The following NRTN variants were observed in gnomAD, a reference collection of about 807,000 sequenced individuals.
NRTN encodes neurturin, also known as prepro-neurturin.
In NRTN, 3 loss-of-function variants were observed where a neutral mutation model predicts 7.5. The observed-to-expected ratio is 0.40, with a 90% CI of 0.18 to 1.03. The LOEUF (loss-of-function observed/expected upper bound fraction) is 1.03. Among genes scored for constraint, NRTN ranks in the 50% least tolerant of loss-of-function variants. NRTN has a pLI of 0.34. For synonymous variants in NRTN, 157 were observed against 146.6 expected (o/e 1.07, Z -0.51); for missense variants, 310 against 307.0 (o/e 1.01, Z -0.07).
At position 5,828,132 on chromosome 19, in the gene NRTN, A is replaced by G; in HGVS notation, c.553A>G (p.Thr185Ala). The G allele has an allele frequency of 6.6e-7, 1 of 1,514,162 alleles. No homozygotes were observed. Among genetic ancestry groups the G allele is most frequent in the Admixed American group, 2.1e-5 (1 of 48,250 alleles). The allele number at this position is 1,514,162 out of a possible 1,614,324, so 93.8% of individuals were successfully genotyped here. The part of the protein sequence containing the change: ...SFLDAHSRYH[T>A]VHELSARECA... ...CCTGGACGCGCACAGCCGCTACCACACGGTGCACGAGCTGTCGGCGCGCGA... is the reference window on the plus strand; with the variant it reads ...CCTGGACGCGCACAGCCGCTACCACGCGGTGCACGAGCTGTCGGCGCGCGA... Residue 185 changes from threonine to alanine, a missense_variant, in exon 3 of 3, where the codon ACG (threonine) becomes GCG (alanine). Physicochemically the swap from Thr to Ala is moderately conservative, Grantham distance 58. Transcript: ENST00000303212.
intron 2 of NRTN, among the ~76,000 whole-genome samples, chr19:5,826,354 T>G (rs1233763047): frequency 6.6e-6 from 1 of 151,792 alleles, no homozygotes; most frequent in Non-Finnish European, 1.5e-5. Flanking sequence ...CCCGCACCGA[T>G]TTCCCACCCT....
intron 1 of NRTN, among the ~76,000 whole-genome samples, chr19:5,820,151 A>T (rs1329179314): frequency 6.8e-6 from 1 of 147,684 alleles, no homozygotes; most frequent in African/African-American, 2.6e-5. Context: ...CTGTAGTCCC[A>T]GCTACTCAGG....
chr19:5,823,885 C>G lies in NRTN; in HGVS notation c.-281C>G. On this transcript the variant is annotated 5_prime_UTR_variant, in exon 2 of 3. Coordinates refer to ENST00000303212, the MANE Select transcript of NRTN (RefSeq NM_004558.5). ...ATGCCATTCTCCTCTGCCTGGCCAA[C>G]TCCTACGTTTATTCAAGTCTGGACC... 1 of 560,010 alleles carries G rather than the reference C, an allele frequency of 1.8e-6. No homozygotes were observed. Among genetic ancestry groups the G allele is most frequent in the South Asian group, 2.0e-5 (1 of 49,096 alleles). 34.7% of individuals were successfully genotyped at this position (560,010 alleles called of 1,614,324 possible). A position where few individuals can be genotyped will look rare whatever the true frequency, so the allele number is the denominator to read the frequency against.
intron 1 of NRTN, among the ~76,000 whole-genome samples, chr19:5,819,069 G>T (rs974190293): frequency 6.6e-6 from 1 of 152,198 alleles, no homozygotes; most frequent in Admixed American, 6.5e-5. Flanking sequence ...AGACTTGAAT[G>T]TGTGGGCAAG....
Position 5,828,227 on chromosome 19 carries a change from C to T in NRTN, c.*54C>T. 1.3e-6 allele frequency: 2 copies of T among 1,517,412 alleles called. No homozygotes were observed. Among genetic ancestry groups the T allele is most frequent in the Non-Finnish European group, 1.8e-6 (2 of 1,137,250 alleles). 94.0% of individuals were successfully genotyped at this position (1,517,412 alleles called of 1,614,324 possible). On this transcript the variant is annotated 3_prime_UTR_variant, in exon 3 of 3. Coordinates refer to ENST00000303212, the MANE Select transcript of NRTN (RefSeq NM_004558.5). Reference sequence around the variant, plus strand: ...CACTCCCCCCGCCTCGACGGCACCACTGGCCGGCCCCGCGAAAGACTGCGC... The same window carrying T: ...CACTCCCCCCGCCTCGACGGCACCATTGGCCGGCCCCGCGAAAGACTGCGC...
intron 2 of NRTN, among the ~76,000 whole-genome samples, chr19:5,825,424 G>A (rs1354417045): frequency 1.3e-5 from 2 of 152,186 alleles, no homozygotes; most frequent in East Asian, 1.9e-4. Flanking sequence ...CCATGTGCGC[G>A]TCTGCGCCCG....
In NRTN at chr19:5,805,289, C is replaced by T. The variant is rs1173339446; in HGVS notation, c.-561C>T. On this transcript the variant is annotated 5_prime_UTR_variant, in exon 1 of 3. Transcript: ENST00000303212. ...CGCGGCTAAGCGAGCCCGGGGGGCC[C>T]CATGGGCCGGCCCGCGCCGCACCCC... Among the ~76,000 whole-genome samples the T allele has an allele frequency of 1.4e-5, 2 of 146,124 alleles. No individual in the cohort carries two copies. The highest frequency in any genetic ancestry group is 2.1e-4 in the South Asian group (1 of 4,806).
chr19:5,816,097 T>C (rs1413382324), intron 1 of NRTN, among the ~76,000 whole-genome samples: 2 of 150,838 alleles, frequency 1.3e-5, no homozygotes, highest in African/African-American at 2.5e-5. Context: ...GATGGGGTCT[T>C]ACTATGTTAT....
At chr19:5,809,519 T>G (rs1051116806) in intron 1 of NRTN, among the ~76,000 whole-genome samples, 6 of 152,004 alleles carry the variant, frequency 3.9e-5, no homozygotes, top group African/African-American at 1.4e-4. Context: ...TCTTGACATC[T>G]AATTACCTTA....
rs1379706915 is a variant in NRTN, at chr19:5,828,060, G to C, written c.481G>C (p.Ala161Pro). 3.9e-5 allele frequency: 57 copies of C among 1,444,706 alleles called. No homozygotes were observed. Among genetic ancestry groups the C allele is most frequent in the Middle Eastern group, 4.7e-4 (2 of 4,220 alleles). 89.5% of individuals were successfully genotyped at this position (1,444,706 alleles called of 1,614,324 possible). ...RRRLRRERVR[A>P]QPCCRPTAYE... ...GCGCCTGCGGCGGGAGCGGGTGCGC[G>C]CGCAGCCCTGCTGCCGCCCGACGGC... The change falls in exon 3 of 3, where the codon GCG becomes CCG. Residue 161 changes from alanine to proline, a missense_variant. Transcript: ENST00000303212.
chr19:5,819,754 G>A (rs1028522821), intron 1 of NRTN, among the ~76,000 whole-genome samples: 26 of 151,946 alleles, frequency 1.7e-4, no homozygotes, highest in African/African-American at 6.3e-4. Context: ...AGGCTGAGGT[G>A]GGAGGATCAC....
At position 5,805,308 on chromosome 19, in the gene NRTN, G is replaced by A. The variant is rs1346278922; in HGVS notation, c.-542G>A. On this transcript the variant is annotated 5_prime_UTR_variant, in exon 1 of 3. Coordinates refer to ENST00000303212, the MANE Select transcript of NRTN (RefSeq NM_004558.5). Reference sequence around the variant, plus strand: ...GGGGCCCCATGGGCCGGCCCGCGCCGCACCCCGCCCGCGGCCGCCCCCTCC... The same window carrying A: ...GGGGCCCCATGGGCCGGCCCGCGCCACACCCCGCCCGCGGCCGCCCCCTCC... Among the ~76,000 whole-genome samples the A allele has an allele frequency of 3.4e-5, 5 of 145,676 alleles. No homozygotes were observed. Among genetic ancestry groups the A allele is most frequent in the Admixed American group, 6.8e-5 (1 of 14,678 alleles).
intron 1 of NRTN, among the ~76,000 whole-genome samples, chr19:5,805,955 C>CCGA (rs997954253): frequency 6.6e-6 from 1 of 152,074 alleles, no homozygotes; most frequent in African/African-American, 2.4e-5. Flanking sequence ...GCCGCCGCCG[C>CCGA]CGGGGACACG....
chr19:5,823,892 G>A lies in NRTN; in HGVS notation c.-274G>A, dbSNP rs3763046. 74,453 of 567,602 alleles carry A rather than the reference G, an allele frequency of 0.13. 8,016 individuals are homozygous for A. Among genetic ancestry groups the A allele is most frequent in the East Asian group, 0.45 (15,153 of 33,440 alleles). The allele number at this position is 567,602 out of a possible 1,614,324, so 35.2% of individuals were successfully genotyped here. On this transcript the variant is annotated 5_prime_UTR_variant, in exon 2 of 3. Transcript: ENST00000303212. ...TCTCCTCTGCCTGGCCAACTCCTAC[G>A]TTTATTCAAGTCTGGACCTTGTCAT...
intron 1 of NRTN, among the ~76,000 whole-genome samples, chr19:5,821,957 C>T (rs8111600): frequency 0.053 from 8,010 of 152,258 alleles, 262 homozygotes; most frequent in South Asian, 0.13. Context: ...CCTTTTCTAA[C>T]CCTTGGACAA....
chr19:5,815,505 C>T (rs879887644), intron 1 of NRTN, among the ~76,000 whole-genome samples: 18 of 149,372 alleles, frequency 1.2e-4, no homozygotes, highest in Non-Finnish European at 2.1e-4. Context: ...GATCTCGGCT[C>T]ACTGCAACCT....
chr19:5,819,107 G>A (rs912676429), intron 1 of NRTN, among the ~76,000 whole-genome samples: 1 of 152,192 alleles, frequency 6.6e-6, no homozygotes, highest in African/African-American at 2.4e-5. Context: ...AGAGAGGTCC[G>A]GGGCCCGGGT....
chr19:5,808,342 A>AC lies in NRTN; in HGVS notation c.-399+2897dup, dbSNP rs1461607271. 2.0e-5 allele frequency among the ~76,000 whole-genome samples: 3 copies of AC among 151,112 alleles called. No homozygotes were observed. The East Asian group carries it at 5.8e-4, about 29-fold the overall frequency. On this transcript the variant is annotated intron_variant, in intron 1 of 2. Transcript: ENST00000303212. Reference sequence around the variant, plus strand: ...CTGATCCTGTCATCCCACCCCGGGGACCCCCCTCCTGCCAGCTCCAGATGC... The same window carrying AC: ...CTGATCCTGTCATCCCACCCCGGGGACCCCCCCTCCTGCCAGCTCCAGATGC...
intron 1 of NRTN, among the ~76,000 whole-genome samples, chr19:5,808,814 G>C (rs2056981377): frequency 6.7e-6 from 1 of 149,106 alleles, no homozygotes; most frequent in Admixed American, 6.7e-5. Context: ...GGAGTGCAGT[G>C]GTGCGATCTC....
Sources: allele counts gnomAD v4.1 joint callset (sites outside exome capture counted in the v4.1 genomes callset), GRCh38; gene constraint gnomAD v4.1.1; transcripts MANE v1.5; gene names NCBI Gene and HGNC (gene_info 2026-07-23, HGNC 2026-07-21).